The following WDR70 variants were observed in gnomAD, a reference collection of about 807,000 sequenced individuals.
WDR70 encodes WD repeat domain 70.
Under a neutral mutation model 88.6 loss-of-function variants are expected in WDR70, and 53 were observed. That is an observed-to-expected ratio of 0.60 (90% confidence interval 0.48 to 0.75). The LOEUF is 0.75. WDR70 is among the 30% of genes least tolerant of loss of function. The pLI, the probability that WDR70 is intolerant of heterozygous loss-of-function variation, is 0.00. For missense variants in WDR70, 610 were observed against 823.2 expected (o/e 0.74, Z 3.17); for synonymous variants, 280 against 270.0 (o/e 1.04, Z -0.36).
intron 10 of WDR70, among the ~76,000 whole-genome samples, chr5:37,670,626 T>C (rs1015818173): frequency 6.6e-6 from 1 of 152,222 alleles, no homozygotes; most frequent in Non-Finnish European, 1.5e-5. Flanking sequence ...CAAGATCATA[T>C]AGATGTGACC....
chr5:37,466,449 G>A (rs1739151080), intron 7 of WDR70, among the ~76,000 whole-genome samples: 1 of 152,206 alleles, frequency 6.6e-6, no homozygotes, highest in African/African-American at 2.4e-5. Context: ...GCTCACACCT[G>A]TAATCCCAGC....
At chr5:37,443,199 A>C in intron 6 of WDR70, 40 bp from the exon 7 acceptor site, 1 of 1,552,800 alleles carries the variant, frequency 6.4e-7, no homozygotes, top group Non-Finnish European at 8.7e-7. Flanking sequence ...ACCATATGTC[A>C]TTTTGCTCCG....
At chr5:37,557,958 T>TCTTTTGAAAAC (rs1742357179) in intron 9 of WDR70, among the ~76,000 whole-genome samples, 5 of 6,906 alleles carry the variant, frequency 7.2e-4, no homozygotes, top group Non-Finnish European at 1.1e-3. Flanking sequence ...CAAAAGAGTA[T>TCTTTTGAAAAC]TATGTATATT....
At chr5:37,473,634 G>A (rs909462989) in intron 7 of WDR70, among the ~76,000 whole-genome samples, 5 of 152,126 alleles carry the variant, frequency 3.3e-5, no homozygotes, top group Admixed American at 1.3e-4. Flanking sequence ...TTGAGCCACC[G>A]CGCCTGGCCT....
intron 9 of WDR70, among the ~76,000 whole-genome samples, chr5:37,544,705 ATTAAATGTGTAAAGCCTTGAG>A (rs948432753): frequency 3.3e-5 from 5 of 152,162 alleles, no homozygotes; most frequent in African/African-American, 1.2e-4. Flanking sequence ...TCTAACCTGA[ATTAAATGTGTAAAGCCTTGAG>A]TATAGTTGGC....
intron 8 of WDR70, among the ~76,000 whole-genome samples, chr5:37,502,752 A>G (rs1164041943): frequency 6.6e-6 from 1 of 152,178 alleles, no homozygotes; most frequent in Non-Finnish European, 1.5e-5. Flanking sequence ...GGAAGCTTTT[A>G]CTCGTGGCAG....
In WDR70 at chr5:37,664,311, G is replaced by A. The variant is rs183610559; in HGVS notation, c.1093-33344G>A. 1.1e-3 allele frequency among the ~76,000 whole-genome samples: 174 copies of A among 152,176 alleles called. 1 individual carries two copies. The highest frequency in any genetic ancestry group is 4.1e-3 in the African/African-American group (172 of 41,506). ...GTTGAAAAATTAAACTCCATAGAAGGGCATATGAAGCCACTAATGGTTTGA... is the reference window on the plus strand; with the variant it reads ...GTTGAAAAATTAAACTCCATAGAAGAGCATATGAAGCCACTAATGGTTTGA... On this transcript the variant is annotated intron_variant, in intron 10 of 17. Transcript: ENST00000265107.
chr5:37,699,396 T>TACACACACACACACACACAC (rs1181980288), intron 11 of WDR70, among the ~76,000 whole-genome samples: 1 of 20,062 alleles, frequency 5.0e-5, no homozygotes, highest in African/African-American at 6.7e-5. Context: ...TGTGTGTATA[T>TACACACACACACACACACAC]ATATATACAC....
rs1438418576 is a variant in WDR70, at chr5:37,736,130, C to A, written c.1877+9085C>A. 2.6e-5 allele frequency among the ~76,000 whole-genome samples: 4 copies of A among 152,232 alleles called. No individual in the cohort carries two copies. The East Asian group carries it at 5.8e-4, about 22-fold the overall frequency. ...GAAAAGGAGCTGGCTGGGGAATGGG[C>A]AGGATGTAGATCCAGAAAGCTATTA... On this transcript the variant is annotated intron_variant, in intron 17 of 17. Transcript: ENST00000265107.
chr5:37,492,039 A>C (rs1443577472), intron 8 of WDR70, among the ~76,000 whole-genome samples: 1 of 152,122 alleles, frequency 6.6e-6, no homozygotes, highest in Admixed American at 6.5e-5. Context: ...GATCCTACCT[A>C]CTTTTCTAGT....
chr5:37,683,384 A>G (rs1032103012), intron 10 of WDR70, among the ~76,000 whole-genome samples: 2 of 152,198 alleles, frequency 1.3e-5, no homozygotes, highest in Non-Finnish European at 2.9e-5. Flanking sequence ...TCCTGTCATC[A>G]TGATGTTAGC....
At chr5:37,681,760 G>A (rs111254595) in intron 10 of WDR70, among the ~76,000 whole-genome samples, 34 of 152,282 alleles carry the variant, frequency 2.2e-4, no homozygotes, top group African/African-American at 7.7e-4. Flanking sequence ...AATCAACCTG[G>A]CATCTAGGGG....
intron 9 of WDR70, among the ~76,000 whole-genome samples, chr5:37,532,382 T>G (rs147541210): frequency 4.6e-5 from 7 of 152,222 alleles, no homozygotes; most frequent in African/African-American, 1.7e-4. Flanking sequence ...CTCTTCTTCC[T>G]TAGGAACACC....
chr5:37,603,738 A>C (rs928743793), intron 9 of WDR70, among the ~76,000 whole-genome samples: 2 of 152,174 alleles, frequency 1.3e-5, no homozygotes, highest in African/African-American at 2.4e-5. Flanking sequence ...TATGCTTATC[A>C]CATTGCTTTG....
intron 7 of WDR70, among the ~76,000 whole-genome samples, chr5:37,444,411 T>C (rs1738396301): frequency 7.0e-6 from 1 of 143,702 alleles, no homozygotes; most frequent in Non-Finnish European, 1.5e-5. Context: ...AGATCTTGGC[T>C]CACTGCAACC....
chr5:37,749,271 C>G (rs1394683736), intron 17 of WDR70, among the ~76,000 whole-genome samples: 3 of 152,072 alleles, frequency 2.0e-5, no homozygotes, highest in Non-Finnish European at 4.4e-5. Flanking sequence ...ACTATACAGT[C>G]ATAAAAAGGA....
chr5:37,619,790 C>T (rs7713017), intron 10 of WDR70, among the ~76,000 whole-genome samples: 87,348 of 151,336 alleles, frequency 0.58, 25,364 homozygotes, highest in African/African-American at 0.62. Flanking sequence ...ACCCAAGCCA[C>T]AGTAATTTAT....
At chr5:37,580,188 A>G (rs983221888) in intron 9 of WDR70, among the ~76,000 whole-genome samples, 1 of 151,888 alleles carries the variant, frequency 6.6e-6, no homozygotes. Flanking sequence ...TTAATTTTCT[A>G]CTCTTTGCAT....
chr5:37,654,703 G>A (rs1745501733), intron 10 of WDR70, among the ~76,000 whole-genome samples: 1 of 152,128 alleles, frequency 6.6e-6, no homozygotes, highest in Non-Finnish European at 1.5e-5. Context: ...ATTATGTAAT[G>A]GCCTTCTTTG....
Sources: gnomAD v4.1 joint callset for allele counts (sites outside exome capture counted in the v4.1 genomes callset) on GRCh38, gnomAD v4.1.1 for gene constraint, MANE v1.5 for transcripts, NCBI Gene and HGNC (gene_info 2026-07-23, HGNC 2026-07-21) for gene names.